Variants in FREM3 observed in about 807,000 individuals in gnomAD.
FREM3 encodes the protein FRAS1-related extracellular matrix protein 3.
In FREM3, 105 loss-of-function variants were observed where a neutral mutation model predicts 129.1. That is an observed-to-expected ratio of 0.81 (90% CI 0.69 to 0.96). FREM3 has a LOEUF of 0.96. FREM3 is among the 40% of genes least tolerant of loss of function. FREM3 has a pLI of 0.00. For synonymous variants in FREM3, 1,014 were observed against 1,044.9 expected (o/e 0.97, Z 0.57); for missense variants, 2,593 against 2,666.3 (o/e 0.97, Z 0.61).
rs986143621 is a variant in FREM3, at chr4:143,577,669, A to C, written c.6362T>G (p.Ile2121Ser). The change falls in exon 8 of 8, where the codon ATT (isoleucine) becomes AGT (serine). Residue 2121 changes from isoleucine to serine, a missense_variant. Physicochemically the swap from Ile to Ser is moderately radical, Grantham distance 142. Around this residue, in one of 2 missense-constraint regions of FREM3, gnomAD observed 317 missense variants for 399.0 expected, o/e 0.79. Coordinates refer to ENST00000329798, the MANE Select transcript of FREM3 (RefSeq NM_001168235.2). ...GTCCGTGATGGTGTCCTCGATGAAA[A>C]TGGTAGTTTTATTTGGTTCTCCAAG... Reference protein sequence around the residue: ...AVLGEPNKTTIFIEDTITDCK... With the variant: ...AVLGEPNKTTSFIEDTITDCK... 1 of 1,537,062 alleles carries C rather than the reference A, an allele frequency of 6.5e-7. No individual in the cohort carries two copies. Among genetic ancestry groups the C allele is most frequent in the Non-Finnish European group, 8.7e-7 (1 of 1,146,878 alleles).
At chr4:143,664,854 C>T (rs1739823656) in intron 2 of FREM3, among the ~76,000 whole-genome samples, 2 of 152,150 alleles carry the variant, frequency 1.3e-5, no homozygotes, top group Non-Finnish European at 1.5e-5. Flanking sequence ...GCCGTGCTAG[C>T]AATCAGCGAG....
intron 4 of FREM3, among the ~76,000 whole-genome samples, chr4:143,621,956 G>A (rs1363174843): frequency 1.3e-5 from 2 of 152,168 alleles, no homozygotes; most frequent in Non-Finnish European, 2.9e-5. Context: ...GACTTATAGT[G>A]TGAAGTGGAG....
intron 2 of FREM3, among the ~76,000 whole-genome samples, chr4:143,687,102 A>C (rs185264439): frequency 2.1e-3 from 320 of 152,282 alleles, no homozygotes; most frequent in Non-Finnish European, 3.6e-3. Context: ...GACCATTGGC[A>C]AGACTAATCA....
Position 143,696,165 on chromosome 4 carries a change from TC to T in FREM3, c.4510del (p.Asp1504MetfsTer12). ...TTCGAAGCTGTCCATCTTTTTCTCA[TC>T]ATTTGAAGTATGGACATAGGATATT... is the stretch of plus-strand genomic sequence containing the variant. Reference protein sequence around the residue: ...NKISYVHTSNDEKKMDSFEFQ... With the variant: ...NKISYVHTSNXEKKMDSFEFQ... On this transcript the variant is annotated frameshift_variant, in exon 1 of 8. Transcript: ENST00000329798. LOFTEE classifies it high-confidence loss of function. The T allele has an allele frequency of 5.2e-6, 8 of 1,537,716 alleles. No individual in the cohort carries two copies. Among genetic ancestry groups the T allele is most frequent in the Non-Finnish European group, 6.1e-6 (7 of 1,147,024 alleles).
At chr4:143,679,783 A>AT in intron 2 of FREM3, among the ~76,000 whole-genome samples, 1 of 152,106 alleles carries the variant, frequency 6.6e-6, no homozygotes, top group East Asian at 1.9e-4. Context: ...CGAACAATTC[A>AT]TTTTTGTTCA....
intron 2 of FREM3, among the ~76,000 whole-genome samples, chr4:143,679,661 T>G (rs559713233): frequency 4.1e-4 from 63 of 152,222 alleles, no homozygotes; most frequent in Non-Finnish European, 5.3e-4. Context: ...AGCTCTGAGC[T>G]AATTCTTCCC....
At chr4:143,602,941 G>T (rs1286379178) in intron 6 of FREM3, among the ~76,000 whole-genome samples, 2 of 152,104 alleles carry the variant, frequency 1.3e-5, no homozygotes, top group African/African-American at 4.8e-5. Flanking sequence ...CAGTTATTTT[G>T]CCCAGGATGG....
At chr4:143,676,824 C>G (rs1430762590) in intron 2 of FREM3, among the ~76,000 whole-genome samples, 2 of 151,994 alleles carry the variant, frequency 1.3e-5, no homozygotes, top group Admixed American at 6.6e-5. Context: ...ACCTAAGAAT[C>G]CAACTTACAA....
At chr4:143,674,973 C>A (rs938867586) in intron 2 of FREM3, among the ~76,000 whole-genome samples, 1 of 152,150 alleles carries the variant, frequency 6.6e-6, no homozygotes, top group African/African-American at 2.4e-5. Flanking sequence ...GAACATTAGA[C>A]AGATCAACGA....
intron 2 of FREM3, among the ~76,000 whole-genome samples, chr4:143,683,503 C>T (rs1433937814): frequency 2.6e-5 from 4 of 152,326 alleles, no homozygotes; most frequent in South Asian, 4.1e-4. Flanking sequence ...GTAGAAGAAG[C>T]AGCAGAAAGG....
At chr4:143,607,373 C>CT (rs368317684) in intron 6 of FREM3, among the ~76,000 whole-genome samples, 1 of 152,110 alleles carries the variant, frequency 6.6e-6, no homozygotes, top group Admixed American at 6.6e-5. Flanking sequence ...TTTAATAGTA[C>CT]TTTTTTTCTT....
chr4:143,625,801 A>G (rs1344420742), intron 3 of FREM3, among the ~76,000 whole-genome samples: 1 of 152,222 alleles, frequency 6.6e-6, no homozygotes, highest in Non-Finnish European at 1.5e-5. Context: ...AAACAGATAA[A>G]CAGGTGATTT....
In FREM3 at chr4:143,585,764, G is replaced by T; in HGVS notation, c.6178+80C>A. The T allele has an allele frequency of 1.4e-6, 2 of 1,380,590 alleles. No homozygotes were observed. The highest frequency in any genetic ancestry group is 1.9e-6 in the Non-Finnish European group (2 of 1,028,634). The allele number at this position is 1,380,590 out of a possible 1,614,324, so 85.5% of individuals were successfully genotyped here. On this transcript the variant is annotated intron_variant, in intron 7 of 7. Transcript: ENST00000329798. This position sits in a 1 kb window ranked among gnomAD's most constrained non-coding sequence, Gnocchi z 4.2. ...TTCAGAGTCCATCAACAAAGACTAAGCATGCTTACACTTAACAGACTAGAC... is the reference window on the plus strand; with the variant it reads ...TTCAGAGTCCATCAACAAAGACTAATCATGCTTACACTTAACAGACTAGAC...
intron 2 of FREM3, among the ~76,000 whole-genome samples, chr4:143,682,585 G>C (rs2149859627): frequency 6.6e-6 from 1 of 152,274 alleles, no homozygotes; most frequent in South Asian, 2.1e-4. Flanking sequence ...ATAAATCCCT[G>C]CTTTTGTTCT....
intron 2 of FREM3, among the ~76,000 whole-genome samples, chr4:143,683,095 G>T (rs1417695649): frequency 6.6e-6 from 1 of 152,160 alleles, no homozygotes; most frequent in East Asian, 1.9e-4. Context: ...CCAGGAAATG[G>T]ATTCTACCCT....
intron 2 of FREM3, among the ~76,000 whole-genome samples, chr4:143,647,434 G>C (rs995343995): frequency 6.6e-6 from 1 of 152,190 alleles, no homozygotes; most frequent in African/African-American, 2.4e-5. Flanking sequence ...AATGTCTCCA[G>C]GTCATATCAG....
chr4:143,577,638 C>A lies in FREM3; in HGVS notation c.6393G>T (p.Lys2131Asn). ...IFIEDTITDC[K>N]QSACSSFD Reference sequence around the variant, plus strand: ...AATCAAAGGAACTACAAGCACTCTGCTTACAGTCCGTGATGGTGTCCTCGA... The same window carrying A: ...AATCAAAGGAACTACAAGCACTCTGATTACAGTCCGTGATGGTGTCCTCGA... The change falls in exon 8 of 8, where the codon AAG becomes AAT. Residue 2131 changes from lysine to asparagine, a missense_variant. Lys to Asn is a moderately conservative substitution (Grantham distance 94, BLOSUM62 0). This residue lies in a region of FREM3 where 317 missense variants were observed against 399.0 expected (regional missense o/e 0.79). Transcript: ENST00000329798. The A allele has an allele frequency of 6.5e-7, 1 of 1,537,350 alleles. No individual in the cohort carries two copies. Among genetic ancestry groups the A allele is most frequent in the Non-Finnish European group, 8.7e-7 (1 of 1,146,934 alleles).
At chr4:143,610,173 T>C (rs1476467397) in intron 6 of FREM3, among the ~76,000 whole-genome samples, 1 of 152,160 alleles carries the variant, frequency 6.6e-6, no homozygotes, top group African/African-American at 2.4e-5. Flanking sequence ...GAAAATTCTT[T>C]TTTATTTTTA....
chr4:143,634,944 T>G (rs1027765576), intron 2 of FREM3, among the ~76,000 whole-genome samples: 1 of 152,128 alleles, frequency 6.6e-6, no homozygotes, highest in African/African-American at 2.4e-5. Flanking sequence ...TTGGGAGAAC[T>G]CAACTTCCTC....
Sources: allele counts gnomAD v4.1 joint callset (sites outside exome capture counted in the v4.1 genomes callset), GRCh38; gene constraint gnomAD v4.1.1; regional missense constraint gnomAD v4.1.1; non-coding constraint Gnocchi (gnomAD v3.1); transcripts MANE v1.5; gene names NCBI Gene and HGNC (gene_info 2026-07-23, HGNC 2026-07-21).